The following GAS6 variants were observed in gnomAD, a reference collection of about 807,000 sequenced individuals.
GAS6 encodes growth arrest specific 6.
GAS6 carries 41 observed loss-of-function variants against 75.8 expected under a neutral mutation model. The observed-to-expected ratio is 0.54, with a 90% CI of 0.42 to 0.70. GAS6 has a LOEUF of 0.70. Ranked by LOEUF, GAS6 falls within the 30% of genes least tolerant of loss-of-function variation. The pLI is 0.00. For missense variants in GAS6, 854 were observed against 940.2 expected (o/e 0.91, Z 1.20); for synonymous variants, 432 against 412.6 (o/e 1.05, Z -0.57).
intron 6 of GAS6, 48 bp downstream of exon 6, chr13:113,838,021 G>A: frequency 6.2e-7 from 1 of 1,603,238 alleles, no homozygotes; most frequent in Non-Finnish European, 8.5e-7. Context: ...ACCGAAAATA[G>A]AAGGTGGGGA....
intron 10 of GAS6, among the ~76,000 whole-genome samples, chr13:113,830,931 C>T (rs2051623032): frequency 1.3e-5 from 2 of 152,276 alleles, no homozygotes; most frequent in Non-Finnish European, 2.9e-5. Flanking sequence ...CAGCCTCCTG[C>T]TCTTGGAGAT....
intron 7 of GAS6, 56 bp from the exon 8 acceptor site, chr13:113,834,728 G>C (rs1594197296): frequency 7.2e-7 from 1 of 1,379,522 alleles, no homozygotes; most frequent in Admixed American, 2.7e-5. Context: ...CTGTCCCGCC[G>C]TGGGATCACA....
intron 5 of GAS6, chr13:113,838,984 G>A: frequency 5.9e-6 from 1 of 170,552 alleles, no homozygotes; most frequent in Non-Finnish European, 1.3e-5. Flanking sequence ...GGTAGATGGT[G>A]GGAGGGCATG....
Position 113,842,840 on chromosome 13 carries a change from G to A in GAS6, c.344-2990C>T, listed in dbSNP as rs1055741321. On this transcript the variant is annotated intron_variant, in intron 4 of 14. Coordinates refer to ENST00000327773, the MANE Select transcript of GAS6 (RefSeq NM_000820.4). ...ATGTGATGCAAAGGGCTGGGAACCCGGTCTTGACTTTGCCTGGAATGCCTT... is the reference window on the plus strand; with the variant it reads ...ATGTGATGCAAAGGGCTGGGAACCCAGTCTTGACTTTGCCTGGAATGCCTT... The A allele has an allele frequency of 5.8e-5, 23 of 396,964 alleles. No individual in the cohort carries two copies. In the South Asian group the frequency reaches 7.6e-4, roughly 13 times the overall value. 24.6% of individuals were successfully genotyped at this position (396,964 alleles called of 1,614,324 possible).
chr13:113,847,002 GCT>G (rs771778437), intron 3 of GAS6: 44 of 506,042 alleles, frequency 8.7e-5, no homozygotes, highest in Admixed American at 5.3e-4. Flanking sequence ...GCCCCTCCAT[GCT>G]CTCTGGCTGG....
intron 2 of GAS6, among the ~76,000 whole-genome samples, chr13:113,851,739 T>G (rs889740624): frequency 2.7e-4 from 41 of 152,246 alleles, no homozygotes; most frequent in African/African-American, 9.9e-4. Context: ...CACAGAGCAC[T>G]GAATGCTCAG....
intron 2 of GAS6, among the ~76,000 whole-genome samples, chr13:113,851,744 G>C (rs1236267327): frequency 2.0e-5 from 3 of 152,202 alleles, no homozygotes; most frequent in Non-Finnish European, 2.9e-5. Context: ...AGCACTGAAT[G>C]CTCAGTTTCA....
intron 11 of GAS6, among the ~76,000 whole-genome samples, chr13:113,828,222 C>T (rs571164260): frequency 6.6e-6 from 1 of 152,074 alleles, no homozygotes; most frequent in Non-Finnish European, 1.5e-5. Flanking sequence ...CGAGATCGCG[C>T]CACTGCACTC....
chr13:113,855,000 G>A (rs1455315608), intron 2 of GAS6, among the ~76,000 whole-genome samples: 3 of 152,266 alleles, frequency 2.0e-5, no homozygotes, highest in South Asian at 2.1e-4. Flanking sequence ...GAGCAGCCTC[G>A]TGCCCGCAAC....
At chr13:113,826,840 G>A (rs1186639553) in intron 12 of GAS6, among the ~76,000 whole-genome samples, 156 bp downstream of exon 12, 9 of 151,998 alleles carry the variant, frequency 5.9e-5, no homozygotes, top group Admixed American at 3.3e-4. Context: ...GCCTCTGCCC[G>A]CACCTCCGCC....
At chr13:113,851,303 G>C (rs1449515875) in intron 2 of GAS6, among the ~76,000 whole-genome samples, 1 of 151,758 alleles carries the variant, frequency 6.6e-6, no homozygotes, top group Non-Finnish European at 1.5e-5. Flanking sequence ...GGGTGGATGA[G>C]TGAGTGGCCA....
chr13:113,860,935 C>A (rs1463946213), intron 2 of GAS6, among the ~76,000 whole-genome samples: 2 of 152,012 alleles, frequency 1.3e-5, no homozygotes, highest in Admixed American at 1.3e-4. Context: ...CAGGAAGCAG[C>A]CCCAGCTTGG....
chr13:113,823,809 C>A (rs2051494012), intron 12 of GAS6, among the ~76,000 whole-genome samples: 1 of 152,244 alleles, frequency 6.6e-6, no homozygotes, highest in Non-Finnish European at 1.5e-5. Context: ...GACCACCAGG[C>A]CACACAGGCC....
At chr13:113,835,364 G>A in intron 7 of GAS6, 149 bp downstream of exon 7, 1 of 936,500 alleles carries the variant, frequency 1.1e-6, no homozygotes, top group Admixed American at 2.3e-5. Context: ...TGGTAGCACA[G>A]GCCATTACCA....
chr13:113,846,784 T>G (rs2051837068), intron 3 of GAS6, among the ~76,000 whole-genome samples, 195 bp from the exon 4 acceptor site: 1 of 152,142 alleles, frequency 6.6e-6, no homozygotes, highest in Admixed American at 6.5e-5. Flanking sequence ...GGAAACCACC[T>G]CCACCAACTC....
rs979879869 is a variant in GAS6 at position 113,854,219 on chromosome 13, G to A, written c.256-6169C>T. Among the ~76,000 whole-genome samples the A allele has an allele frequency of 1.2e-4, 19 of 152,360 alleles. 1 individual carries two copies. The highest frequency in any genetic ancestry group is 1.2e-3 in the Admixed American group (18 of 15,312). On this transcript the variant is annotated intron_variant, in intron 2 of 14. Transcript: ENST00000327773. ...GATGTGGATGCTGGGAAAGGCCTCT[G>A]TAGCTGACTGCACAGCTGTGAGCAC...
At chr13:113,826,488 G>A (rs113780260) in intron 12 of GAS6, among the ~76,000 whole-genome samples, 54 of 81,122 alleles carry the variant, frequency 6.7e-4, no homozygotes, top group Admixed American at 1.3e-3. Context: ...TTCTCTCCCC[G>A]GCCTCCCGGC....
chr13:113,846,432 A>T (rs1174935499), intron 4 of GAS6, 95 bp downstream of exon 4: 1 of 1,036,488 alleles, frequency 9.6e-7, no homozygotes, highest in Non-Finnish European at 1.5e-6. Flanking sequence ...TCCTTAAAAA[A>T]CAGAACTATT....
chr13:113,856,579 G>A (rs1197775424), intron 2 of GAS6, among the ~76,000 whole-genome samples: 1 of 152,204 alleles, frequency 6.6e-6, no homozygotes, highest in Non-Finnish European at 1.5e-5. Context: ...TCTGAGAACG[G>A]GAGTGATCGG....
Sources: gnomAD v4.1 joint callset for allele counts (sites outside exome capture counted in the v4.1 genomes callset) on GRCh38, gnomAD v4.1.1 for gene constraint, MANE v1.5 for transcripts, NCBI Gene and HGNC (gene_info 2026-07-23, HGNC 2026-07-21) for gene names.